The following TRIM55 variants were observed in gnomAD, a reference collection of about 807,000 sequenced individuals.
TRIM55 encodes tripartite motif containing 55.
TRIM55 carries 50 observed loss-of-function variants against 60.9 expected under a neutral mutation model. The ratio of observed to expected loss-of-function variants is 0.82; its 90% CI spans 0.65 to 1.04. The LOEUF is 1.04. TRIM55 is among the 50% of genes least tolerant of loss of function. TRIM55 has a pLI of 0.00. For synonymous variants in TRIM55, 237 were observed against 238.1 expected (o/e 1.00, Z 0.04); for missense variants, 681 against 666.9 (o/e 1.02, Z -0.23).
At chr8:66,140,732 G>A (rs1053470570) in intron 4 of TRIM55, among the ~76,000 whole-genome samples, 3 of 152,236 alleles carry the variant, frequency 2.0e-5, no homozygotes, top group Non-Finnish European at 2.9e-5. Flanking sequence ...TGAGAGCCTG[G>A]TGGATTATCT....
the TRIM55 span, among the ~76,000 whole-genome samples, chr8:66,114,080 A>ACCCC: frequency 4.1e-3 from 162 of 39,484 alleles, 8 homozygotes; most frequent in Middle Eastern, 0.011. Context: ...CGAAGGAGAG[A>ACCCC]CACCCCCCCC....
chr8:66,118,086 G>T, the TRIM55 span, among the ~76,000 whole-genome samples: 1 of 144,686 alleles, frequency 6.9e-6, no homozygotes, highest in South Asian at 2.2e-4. Flanking sequence ...GGAGAATGGC[G>T]TGAACCCGGG....
At chr8:66,119,125 A>G in the TRIM55 span, among the ~76,000 whole-genome samples, 2 of 152,232 alleles carry the variant, frequency 1.3e-5, no homozygotes, top group Admixed American at 1.3e-4. Flanking sequence ...TTCCTTCTTC[A>G]GCAATCACTG....
At chr8:66,129,353 G>A (rs564839592) in intron 2 of TRIM55, among the ~76,000 whole-genome samples, 3 of 152,246 alleles carry the variant, frequency 2.0e-5, no homozygotes, top group African/African-American at 7.2e-5. Flanking sequence ...TAGCAATATT[G>A]AGACCATCTA....
rs1159165935 is a variant in TRIM55, at chr8:66,127,386, C to A, written c.118C>A (p.Leu40Ile). 1.2e-6 allele frequency: 2 copies of A among 1,614,028 alleles called. No individual in the cohort carries two copies. Among genetic ancestry groups the A allele is most frequent in the Non-Finnish European group, 1.7e-6 (2 of 1,180,026 alleles). ...LEMFTKPVVI[L>I]PCQHNLCRKC... ...GATGTTCACGAAACCTGTGGTGATT[C>A]TCCCTTGTCAGCACAACCTGTGTAG... Residue 40 changes from leucine to isoleucine, a missense_variant, in exon 1 of 10, where the codon CTC becomes ATC. Coordinates refer to ENST00000315962, the MANE Select transcript of TRIM55 (RefSeq NM_184085.2).
intron 2 of TRIM55, among the ~76,000 whole-genome samples, chr8:66,134,211 G>A (rs911391779): frequency 1.4e-4 from 21 of 152,310 alleles, no homozygotes; most frequent in Middle Eastern, 6.8e-3. Context: ...ATAACTATGT[G>A]TTTGGAAATT....
chr8:66,169,387 C>G (rs1049141296), intron 9 of TRIM55, among the ~76,000 whole-genome samples: 1 of 152,176 alleles, frequency 6.6e-6, no homozygotes, highest in African/African-American at 2.4e-5. Flanking sequence ...TTCATGCTTT[C>G]ACTGTCAAGA....
At chr8:66,121,823 T>C in the TRIM55 span, among the ~76,000 whole-genome samples, 1 of 152,232 alleles carries the variant, frequency 6.6e-6, no homozygotes. Context: ...TATTAAATTT[T>C]GTTAATTTTA....
At chr8:66,136,151 T>C (rs1319848936) in intron 3 of TRIM55, among the ~76,000 whole-genome samples, 2 of 152,114 alleles carry the variant, frequency 1.3e-5, no homozygotes, top group East Asian at 3.9e-4. Flanking sequence ...TATTCCCCCT[T>C]CTCTTCTGCC....
At chr8:66,161,356 G>A (rs113440715) in intron 9 of TRIM55, among the ~76,000 whole-genome samples, 4 of 151,980 alleles carry the variant, frequency 2.6e-5, no homozygotes, top group Non-Finnish European at 4.4e-5. Context: ...CTTTATTTCC[G>A]GGTTCTCTAT....
the TRIM55 span, chr8:66,113,730 C>T: frequency 2.7e-6 from 1 of 366,504 alleles, no homozygotes; most frequent in African/African-American, 2.1e-5. Context: ...TGGCATTGCC[C>T]GGGCCCCGAG....
At chr8:66,162,936 G>T (rs1586247015) in intron 9 of TRIM55, among the ~76,000 whole-genome samples, 1 of 151,238 alleles carries the variant, frequency 6.6e-6, no homozygotes, top group East Asian at 1.9e-4. Context: ...ATCAAAGTTT[G>T]TTATTTGCTT....
In TRIM55 at chr8:66,150,235, A is replaced by G. The variant is rs1810334765; in HGVS notation, c.856A>G (p.Lys286Glu). Residue 286 changes from lysine to glutamate, a missense_variant, in exon 6 of 10, where the codon AAA becomes GAA. Transcript: ENST00000315962. ...TTCACAGAATGCCAAAACCCTGCTA[A>G]AAAAGTAAGAACTTTTTATTTTATG... is the stretch of plus-strand genomic sequence containing the variant. ...VFLQNAKTLL[K>E]KISEASKAFQ... 1 of 1,613,196 alleles carries G rather than the reference A, an allele frequency of 6.2e-7. No homozygotes were observed. The highest frequency in any genetic ancestry group is 2.2e-5 in the East Asian group (1 of 44,854).
At chr8:66,138,975 T>G (rs1809645416) in intron 4 of TRIM55, among the ~76,000 whole-genome samples, 1 of 152,220 alleles carries the variant, frequency 6.6e-6, no homozygotes, top group Non-Finnish European at 1.5e-5. Context: ...ATTTTAAATT[T>G]GCACACTATT....
In TRIM55 at chr8:66,137,085, T is replaced by C; in HGVS notation, c.508-10T>C. 6.2e-7 allele frequency: 1 copy of C among 1,612,880 alleles called. No homozygotes were observed. Among genetic ancestry groups the C allele is most frequent in the Non-Finnish European group, 8.5e-7 (1 of 1,179,152 alleles). On this transcript the variant is annotated splice_polypyrimidine_tract_variant and intron_variant, in intron 3 of 9. Coordinates refer to ENST00000315962, the MANE Select transcript of TRIM55 (RefSeq NM_184085.2). Reference sequence around the variant, plus strand: ...CCTAAGATATTGGGTTCATGTTTTCTCTTCATTAGTCTGAGCTCAGTGATG... The same window carrying C: ...CCTAAGATATTGGGTTCATGTTTTCCCTTCATTAGTCTGAGCTCAGTGATG...
chr8:66,114,262 G>GT, the TRIM55 span, among the ~76,000 whole-genome samples: 35 of 152,254 alleles, frequency 2.3e-4, no homozygotes, highest in African/African-American at 7.9e-4. Context: ...GCATCCTCCA[G>GT]TTTTCCTTCC....
chr8:66,154,330 C>G lies in TRIM55; in HGVS notation c.1520C>G (p.Ser507Cys). The G allele has an allele frequency of 6.2e-7, 1 of 1,613,886 alleles. No individual in the cohort carries two copies. The highest frequency in any genetic ancestry group is 1.1e-5 in the South Asian group (1 of 91,056). Residue 507 changes from serine (S) to cysteine (C), a missense_variant, in exon 9 of 10, where the codon TCT (serine) becomes TGT (cysteine). Coordinates refer to ENST00000315962, the MANE Select transcript of TRIM55 (RefSeq NM_184085.2). ...GKETSAPAAT[S>C]QIGFEAPPLQ... ...GAAACTAGTGCACCTGCAGCTACTT[C>G]TCAGGTTAGTGATGATGCACTTGTG... is the stretch of plus-strand genomic sequence containing the variant.
intron 2 of TRIM55, among the ~76,000 whole-genome samples, chr8:66,129,450 A>G (rs1457988987): frequency 6.6e-6 from 1 of 152,200 alleles, no homozygotes; most frequent in Non-Finnish European, 1.5e-5. Flanking sequence ...TTGGAAGGAA[A>G]GCTGTTCTAT....
At chr8:66,128,195 G>T (rs974221350) in intron 1 of TRIM55, 109 bp from the exon 2 acceptor site, 22 of 1,096,736 alleles carry the variant, frequency 2.0e-5, no homozygotes, top group Non-Finnish European at 2.9e-5. Flanking sequence ...CTTATGGCAA[G>T]CTTAAAGTAG....
Sources: allele counts gnomAD v4.1 joint callset (sites outside exome capture counted in the v4.1 genomes callset), GRCh38; gene constraint gnomAD v4.1.1; transcripts MANE v1.5; gene names NCBI Gene and HGNC (gene_info 2026-07-23, HGNC 2026-07-21).